The following FOXM1 variants were observed in gnomAD, a reference collection of about 807,000 sequenced individuals.
The protein encoded by FOXM1 is forkhead box M1.
Under a neutral mutation model 63.6 loss-of-function variants are expected in FOXM1, and 25 were observed. The observed-to-expected ratio is 0.39, with a 90% CI of 0.29 to 0.55. The LOEUF (loss-of-function observed/expected upper bound fraction) is 0.55. Among genes scored for constraint, FOXM1 ranks in the 20% least tolerant of loss-of-function variants. FOXM1 has a pLI of 0.60. For synonymous variants in FOXM1, 387 were observed against 376.9 expected (o/e 1.03, Z -0.31); for missense variants, 879 against 958.7 (o/e 0.92, Z 1.10).
chr12:2,863,449 T>G (rs1200583363), intron 8 of FOXM1, among the ~76,000 whole-genome samples: 1 of 152,046 alleles, frequency 6.6e-6, no homozygotes, highest in Non-Finnish European at 1.5e-5. Context: ...AGTGCAGTGG[T>G]GCAAACAGGG....
At chr12:2,860,978 C>G (rs1272974683) in intron 8 of FOXM1, among the ~76,000 whole-genome samples, 1 of 151,528 alleles carries the variant, frequency 6.6e-6, no homozygotes, top group Non-Finnish European at 1.5e-5. Context: ...ACCAGCCTGG[C>G]CAAGATGGTG....
Position 2,859,557 on chromosome 12 carries a change from G to A in FOXM1, c.1373C>T (p.Thr458Ile). The change falls in exon 9 of 9, where the codon ACT (threonine) becomes ATT (isoleucine). Residue 458 changes from threonine (T) to isoleucine (I), a missense_variant. Around this residue, in one of 4 missense-constraint regions of FOXM1, gnomAD observed 486 missense variants for 453.5 expected, o/e 1.07. Transcript: ENST00000359843. The stretch of plus-strand genomic sequence containing the variant: ...AGGCTGGATTTCTTCCTCCTTGATA[G>A]TCTGAACTGGAAGCAAAGGAGAAAA... ...EGFSPLLPVQ[T>I]IKEEEIQPGE... The A allele has an allele frequency of 6.2e-7, 1 of 1,614,040 alleles. No individual in the cohort carries two copies. The highest frequency in any genetic ancestry group is 1.1e-5 in the South Asian group (1 of 91,088).
intron 8 of FOXM1, among the ~76,000 whole-genome samples, chr12:2,860,150 A>G (rs999735236): frequency 6.6e-6 from 1 of 152,218 alleles, no homozygotes; most frequent in South Asian, 2.1e-4. Flanking sequence ...CAGAAACTGT[A>G]AAAGAGAAGA....
intron 2 of FOXM1, among the ~76,000 whole-genome samples, chr12:2,873,416 A>G (rs1207508621): frequency 5.4e-5 from 8 of 149,280 alleles, no homozygotes; most frequent in East Asian, 2.0e-4. Context: ...AAAAAAAAAA[A>G]AAGAAGGAAA....
chr12:2,861,143 G>C (rs1049663940), intron 8 of FOXM1, among the ~76,000 whole-genome samples: 1 of 150,974 alleles, frequency 6.6e-6, no homozygotes, highest in Non-Finnish European at 1.5e-5. Flanking sequence ...ACTCCAGCCT[G>C]GGTGACAGAG....
At chr12:2,866,202 C>A (rs987316380) in intron 5 of FOXM1, among the ~76,000 whole-genome samples, 191 bp downstream of exon 5, 1 of 152,160 alleles carries the variant, frequency 6.6e-6, no homozygotes, top group African/African-American at 2.4e-5. Flanking sequence ...TGGTCTGGCA[C>A]AAAAATGTGT....
At chr12:2,863,344 C>T (rs2098117360) in intron 8 of FOXM1, among the ~76,000 whole-genome samples, 1 of 152,114 alleles carries the variant, frequency 6.6e-6, no homozygotes, top group South Asian at 2.1e-4. Flanking sequence ...CATGGCACTG[C>T]CCATTAGCAT....
intron 8 of FOXM1, among the ~76,000 whole-genome samples, chr12:2,859,960 T>C (rs2098107018): frequency 6.6e-6 from 1 of 152,132 alleles, no homozygotes. Context: ...GCTGCTCTGA[T>C]GGTAGCGGGT....
At position 2,864,515 on chromosome 12, in the gene FOXM1, A is replaced by G; in HGVS notation, c.1091-20T>C. Reference sequence around the variant, plus strand: ...TCCGCCCTAGGAGGAAACACGAGAGATCAGGAGCAGGGGGACTGGAGTACA... The same window carrying G: ...TCCGCCCTAGGAGGAAACACGAGAGGTCAGGAGCAGGGGGACTGGAGTACA... On this transcript the variant is annotated intron_variant, in intron 7 of 8. Transcript: ENST00000359843. The surrounding 1 kb of genome is among the most constrained non-coding windows in gnomAD (Gnocchi z 5.1). 1 of 1,606,088 alleles carries G rather than the reference A, an allele frequency of 6.2e-7. No individual in the cohort carries two copies.
chr12:2,859,397 TGGGGTG>T lies in FOXM1; in HGVS notation c.1527_1532del (p.Thr510_Pro511del). 1 of 1,613,860 alleles carries T rather than the reference TGGGGTG, an allele frequency of 6.2e-7. No individual in the cohort carries two copies. The highest frequency in any genetic ancestry group is 8.5e-7 in the Non-Finnish European group (1 of 1,179,960). ...GCCCACTGTAGGACTTCTTGGGTCTTGGGGTGGGAGATTGGGACGAATCCTCCCAGG... is the reference window on the plus strand; with the variant it reads ...GCCCACTGTAGGACTTCTTGGGTCTTGGAGATTGGGACGAATCCTCCCAGG... On this transcript the variant is annotated inframe_deletion, in exon 9 of 9. Coordinates refer to ENST00000359843, the MANE Select transcript of FOXM1 (RefSeq NM_021953.4).
rs775398816 is a variant in FOXM1 at position 2,858,856 on chromosome 12, A to G, written c.2074T>C (p.Ser692Pro). The change falls in exon 9 of 9, where the codon TCT becomes CCT. Residue 692 changes from serine to proline, a missense_variant. Physicochemically the swap from Ser to Pro is moderately conservative, Grantham distance 74 (BLOSUM62 -1). This residue lies in a region of FOXM1 where 486 missense variants were observed against 453.5 expected (regional missense o/e 1.07). Transcript: ENST00000359843. Reference protein sequence around the residue: ...LDLISVPFGNSSPSDIDVPKP... With the variant: ...LDLISVPFGNPSPSDIDVPKP... Reference sequence around the variant, plus strand: ...GGGACGTCTATATCTGAGGGAGAAGAGTTGCCAAAGGGGACGGAGATGAGG... The same window carrying G: ...GGGACGTCTATATCTGAGGGAGAAGGGTTGCCAAAGGGGACGGAGATGAGG... The G allele has an allele frequency of 9.3e-6, 15 of 1,614,112 alleles. No individual in the cohort carries two copies. In the Admixed American group the frequency reaches 2.3e-4, roughly 25 times the overall value.
chr12:2,867,741 C>T (rs539964963), intron 4 of FOXM1, among the ~76,000 whole-genome samples: 3 of 150,274 alleles, frequency 2.0e-5, no homozygotes, highest in South Asian at 2.1e-4. Flanking sequence ...TTTGGGAGGT[C>T]GAGACGGGTG....
In FOXM1 at chr12:2,859,353, C is replaced by T; in HGVS notation, c.1577G>A (p.Cys526Tyr). ...SYSGLRSPTR[C>Y]VSEMLVIQHR... is the part of the protein sequence containing the mutation. ...TTGAATCACAAGCATTTCCGAGACA[C>T]ACCGGGTTGGGGACCTAAGCCCACT... is the stretch of plus-strand genomic sequence containing the variant. The change falls in exon 9 of 9, where the codon TGT (cysteine) becomes TAT (tyrosine). Residue 526 changes from cysteine to tyrosine, a missense_variant. Transcript: ENST00000359843. 6.2e-7 allele frequency: 1 copy of T among 1,613,818 alleles called. No individual in the cohort carries two copies. Among genetic ancestry groups the T allele is most frequent in the Non-Finnish European group, 8.5e-7 (1 of 1,180,008 alleles).
intron 4 of FOXM1, chr12:2,868,339 C>T (rs564649998): frequency 2.5e-6 from 1 of 395,348 alleles, no homozygotes; most frequent in African/African-American, 2.1e-5. Flanking sequence ...ACATTGAAGA[C>T]CCTCCATGGA....
chr12:2,874,081 C>T lies in FOXM1; in HGVS notation c.398G>A (p.Arg133Lys), dbSNP rs2153941021. ...CAAGGTCTCCAGGGTCACTTCTGTC[C>T]TTTTGGCATCATAGCTGGTTTGGGT... ...PQTQTSYDAKRTEVTLETLGP... is the reference protein window; with the variant it reads ...PQTQTSYDAKKTEVTLETLGP... Residue 133 changes from arginine to lysine, a missense_variant, in exon 2 of 9, where the codon AGG (arginine) becomes AAG (lysine). Arg to Lys is a conservative substitution (Grantham distance 26). Coordinates refer to ENST00000359843, the MANE Select transcript of FOXM1 (RefSeq NM_021953.4). The surrounding 1 kb of genome is among the most constrained non-coding windows in gnomAD (Gnocchi z 4.3). The T allele has an allele frequency of 1.9e-6, 3 of 1,614,136 alleles. No homozygotes were observed. The highest frequency in any genetic ancestry group is 1.7e-6 in the Non-Finnish European group (2 of 1,180,022).
At position 2,874,551 on chromosome 12, in the gene FOXM1, T is replaced by C. The variant is rs1412930466; in HGVS notation, c.-47-26A>G. 1 of 1,458,086 alleles carries C rather than the reference T, an allele frequency of 6.9e-7. No individual in the cohort carries two copies. The highest frequency in any genetic ancestry group is 9.2e-7 in the Non-Finnish European group (1 of 1,086,660). 90.3% of individuals were successfully genotyped at this position (1,458,086 alleles called of 1,614,324 possible). A position where few individuals can be genotyped will look rare whatever the true frequency, so the allele number is the denominator to read the frequency against. Reference sequence around the variant, plus strand: ...CTGGAAAATGCAAATAGTGGCAAGATGTTAGAGATTGTTTAGGCTGAGAAG... The same window carrying C: ...CTGGAAAATGCAAATAGTGGCAAGACGTTAGAGATTGTTTAGGCTGAGAAG... On this transcript the variant is annotated intron_variant, in intron 1 of 8. Transcript: ENST00000359843. The surrounding 1 kb of genome is among the most constrained non-coding windows in gnomAD (Gnocchi z 4.3).
intron 2 of FOXM1, 134 bp downstream of exon 2, chr12:2,873,843 G>T: frequency 9.9e-7 from 1 of 1,006,644 alleles, no homozygotes; most frequent in Non-Finnish European, 1.5e-6. Flanking sequence ...CTCCCAAAGT[G>T]CTGGGATTAC....
rs2098096587 is a variant in FOXM1, at chr12:2,858,481, T to G, written c.*157A>C. On this transcript the variant is annotated 3_prime_UTR_variant, in exon 9 of 9. Coordinates refer to ENST00000359843, the MANE Select transcript of FOXM1 (RefSeq NM_021953.4). ...GGGAACACAAGGTCCCAGCAGTGGC[T>G]AGGGTGTGACTGCTACTTTTGCATA... is the stretch of plus-strand genomic sequence containing the variant. The G allele has an allele frequency of 3.2e-6, 2 of 627,010 alleles. No homozygotes were observed. Among genetic ancestry groups the G allele is most frequent in the Non-Finnish European group, 5.5e-6 (2 of 364,898 alleles). 38.8% of individuals were successfully genotyped at this position (627,010 alleles called of 1,614,324 possible). A position where few individuals can be genotyped will look rare whatever the true frequency, so the allele number is the denominator to read the frequency against.
intron 6 of FOXM1, chr12:2,865,035 G>A (rs997214306): frequency 5.2e-6 from 3 of 581,078 alleles, no homozygotes; most frequent in South Asian, 4.1e-5. Flanking sequence ...AGCTATATGC[G>A]TGGCAAAGAA....
Sources: gnomAD v4.1 joint callset for allele counts (sites outside exome capture counted in the v4.1 genomes callset) on GRCh38, gnomAD v4.1.1 for gene constraint, gnomAD v4.1.1 regional missense constraint, Gnocchi (gnomAD v3.1) non-coding constraint, MANE v1.5 for transcripts, NCBI Gene and HGNC (gene_info 2026-07-23, HGNC 2026-07-21) for gene names.